Variants in DNMT1 observed in about 807,000 individuals in gnomAD.
DNMT1 encodes DNA methyltransferase 1.
In DNMT1, 24 loss-of-function variants were observed where a neutral mutation model predicts 205.3. The observed-to-expected ratio is 0.12, with a 90% CI of 0.08 to 0.16. The LOEUF (loss-of-function observed/expected upper bound fraction) is 0.16, where lower values mean the gene tolerates loss of function less well. Ranked by LOEUF, DNMT1 falls within the 10% of genes least tolerant of loss-of-function variation. The pLI, the probability that DNMT1 is intolerant of heterozygous loss-of-function variation, is 1.00. For missense variants in DNMT1, 1,293 were observed against 2,177.7 expected, an observed-to-expected ratio of 0.59 and a Z score of 8.09; for synonymous variants, 817 against 839.8, an observed-to-expected ratio of 0.97 and a Z score of 0.47.
chr19:10,152,160 C>CAAAAAAAAAAAAAAAAAAAAAAAAAA (rs56725732), intron 22 of DNMT1, among the ~76,000 whole-genome samples: 1 of 14,336 alleles, frequency 7.0e-5, no homozygotes, highest in Non-Finnish European at 9.9e-5. Flanking sequence ...AACTCCATCT[C>CAAAAAAAAAAAAAAAAAAAAAAAAAA]AAAAAAAAAA....
Position 10,180,520 on chromosome 19 carries a change from A to G in DNMT1, c.275T>C (p.Leu92Ser). The G allele has an allele frequency of 6.2e-7, 1 of 1,614,176 alleles. No individual in the cohort carries two copies. Among genetic ancestry groups the G allele is most frequent in the Non-Finnish European group, 8.5e-7 (1 of 1,180,040 alleles). ...GTTGTAAGCATGAGCACCGTTCTCC[A>G]AGGACAAATCTTTATTTAAAAGGGA... is the stretch of plus-strand genomic sequence containing the variant. ...VKSLLNKDLSLENGAHAYNRE... is the reference protein window; with the variant it reads ...VKSLLNKDLSSENGAHAYNRE... The change falls in exon 4 of 41, where the codon TTG (leucine) becomes TCG (serine). Residue 92 changes from leucine (L) to serine (S), a missense_variant. Physicochemically the swap from Leu to Ser is moderately radical, Grantham distance 145. Coordinates refer to ENST00000359526, the MANE Select transcript of DNMT1 (RefSeq NM_001130823.3).
chr19:10,153,543 G>A (rs1200768045), intron 22 of DNMT1, among the ~76,000 whole-genome samples: 3 of 151,784 alleles, frequency 2.0e-5, no homozygotes, highest in African/African-American at 7.3e-5. Context: ...AGGCTGAGGT[G>A]GGAGAACTGA....
intron 1 of DNMT1, 132 bp downstream of exon 1, chr19:10,194,688 T>C (rs575808559): frequency 1.6e-6 from 2 of 1,272,584 alleles, no homozygotes; most frequent in South Asian, 1.7e-5. Flanking sequence ...CAACTGCCGC[T>C]GCGCGCCGCA....
Position 10,146,423 on chromosome 19 carries a change from G to A in DNMT1, c.2822C>T (p.Ser941Leu). Residue 941 changes from serine (S) to leucine (L), a missense_variant, in exon 28 of 41, where the codon TCA becomes TTA. Physicochemically the swap from Ser to Leu is moderately radical, Grantham distance 145. Coordinates refer to ENST00000359526, the MANE Select transcript of DNMT1 (RefSeq NM_001130823.3). The surrounding 1 kb of genome is among the most constrained non-coding windows in gnomAD (Gnocchi z 4.4). ...GTACAGGATGCCGTTCTTGGTGGCT[G>A]AGTAGTAGAGGACCCGGCTATCCAG... ...EDLDSRVLYY[S>L]ATKNGILYRV... 6.2e-7 allele frequency: 1 copy of A among 1,614,138 alleles called. No individual in the cohort carries two copies. Among genetic ancestry groups the A allele is most frequent in the Non-Finnish European group, 8.5e-7 (1 of 1,180,038 alleles).
intron 1 of DNMT1, among the ~76,000 whole-genome samples, chr19:10,191,187 A>G (rs1341187745): frequency 6.6e-6 from 1 of 151,910 alleles, no homozygotes; most frequent in Non-Finnish European, 1.5e-5. Flanking sequence ...AAGCTGAGAC[A>G]GGAGAATTGC....
At chr19:10,155,759 G>T in intron 19 of DNMT1, 94 bp downstream of exon 19, 1 of 1,353,318 alleles carries the variant, frequency 7.4e-7, no homozygotes, top group Non-Finnish European at 1.0e-6. Flanking sequence ...CAAGCCTGCT[G>T]AGAATTCCCA....
rs1288860393 is a variant in DNMT1 at position 10,156,413 on chromosome 19, A to G, written c.1377T>C (p.Tyr459=). The G allele has an allele frequency of 1.2e-6, 2 of 1,611,868 alleles. No individual in the cohort carries two copies. Among genetic ancestry groups the G allele is most frequent in the Non-Finnish European group, 1.7e-6 (2 of 1,178,668 alleles). Residue 459 remains tyrosine (Y), a synonymous_variant, in exon 18 of 41, where the codon TAT becomes TAC. Transcript: ENST00000359526. The surrounding 1 kb of genome is among the most constrained non-coding windows in gnomAD (Gnocchi z 4.2). ...LFFSGSAKPI[Y]DDDPSLEGGV... is the part of the protein sequence containing the mutation. ...TACCTTCAAGAGATGGGTCATCATCATAGATTGGTTTTGCTGAACCAGAAA... is the reference window on the plus strand; with the variant it reads ...TACCTTCAAGAGATGGGTCATCATCGTAGATTGGTTTTGCTGAACCAGAAA...
chr19:10,137,134 G>A lies in DNMT1; in HGVS notation c.4440C>T (p.Asn1480=), dbSNP rs761052410. The change falls in exon 37 of 41, where the codon AAC becomes AAT. Residue 1480 remains asparagine (N), a synonymous_variant. Coordinates refer to ENST00000359526, the MANE Select transcript of DNMT1 (RefSeq NM_001130823.3). The surrounding 1 kb of genome is among the most constrained non-coding windows in gnomAD (Gnocchi z 6.4). ...GGAGGGCCCCAGAGCTGCTGCGGCC[G>A]TTCTTCCTGTCATGGTGGGTATACC... is the stretch of plus-strand genomic sequence containing the variant. ...KLRYTHHDRK[N]GRSSSGALRG... The A allele has an allele frequency of 6.2e-6, 10 of 1,610,744 alleles. No homozygotes were observed. Among genetic ancestry groups the A allele is most frequent in the Middle Eastern group, 1.6e-4 (1 of 6,076 alleles).
Position 10,137,955 on chromosome 19 carries a change from C to T in DNMT1, c.4170G>A (p.Leu1390=), listed in dbSNP as rs758009053. 5.0e-6 allele frequency: 8 copies of T among 1,611,748 alleles called. No homozygotes were observed. The Admixed American group carries it at 1.3e-4, about 27-fold the overall frequency. ...TITVRDTMSD[L]PEVRNGASAL... is the part of the protein sequence containing the mutation. ...CCGAGGCTCCATTCCGCACCTCCGG[C>T]AGGTCGGACATCGTGTCTCGCACCG... The change falls in exon 36 of 41, where the codon CTG becomes CTA. Residue 1390 remains leucine (L), a synonymous_variant. Coordinates refer to ENST00000359526, the MANE Select transcript of DNMT1 (RefSeq NM_001130823.3). The surrounding 1 kb of genome is among the most constrained non-coding windows in gnomAD (Gnocchi z 6.4).
intron 9 of DNMT1, among the ~76,000 whole-genome samples, chr19:10,172,641 C>G (rs2038846321): frequency 1.3e-5 from 2 of 151,820 alleles, no homozygotes; most frequent in Admixed American, 6.6e-5. Flanking sequence ...CTGGCCAACA[C>G]AGTGAAACCC....
Position 10,133,382 on chromosome 19 carries a change from A to G in DNMT1, c.*285T>C, listed in dbSNP as rs996480936. 1 of 507,328 alleles carries G rather than the reference A, an allele frequency of 2.0e-6. No homozygotes were observed. The highest frequency in any genetic ancestry group is 3.4e-5 in the Admixed American group (1 of 29,320). The allele number at this position is 507,328 out of a possible 1,614,324, so 31.4% of individuals were successfully genotyped here. ...AGAGATTTATTTGAAGAAATATTAC[A>G]ACATATAAAAACTACATAAAGTCTT... On this transcript the variant is annotated 3_prime_UTR_variant, in exon 41 of 41. Transcript: ENST00000359526. This position sits in a 1 kb window ranked among gnomAD's most constrained non-coding sequence, Gnocchi z 4.1.
rs970491275 is a variant in DNMT1, at chr19:10,179,705, T to G, written c.493+482A>C. On this transcript the variant is annotated intron_variant, in intron 5 of 40. Transcript: ENST00000359526. ...GCTTCTAGGTTGAAAATGAGCCAAG[T>G]GGGGCCGGGCACGGTGGCTCACACC... 2.6e-5 allele frequency among the ~76,000 whole-genome samples: 4 copies of G among 151,638 alleles called. No homozygotes were observed. The South Asian group carries it at 8.3e-4, about 32-fold the overall frequency.
intron 11 of DNMT1, 110 bp downstream of exon 11, chr19:10,166,488 G>T: frequency 7.5e-7 from 1 of 1,339,256 alleles, no homozygotes; most frequent in Non-Finnish European, 1.1e-6. Flanking sequence ...CATGGAGCCT[G>T]GGTGGATGGG....
At chr19:10,185,153 C>T (rs554180001) in intron 1 of DNMT1, among the ~76,000 whole-genome samples, 43 of 152,270 alleles carry the variant, frequency 2.8e-4, no homozygotes, top group East Asian at 5.8e-4. Context: ...GGGCCGGGCA[C>T]GGTGGCTCAC....
chr19:10,170,430 G>A (rs1051223571), intron 9 of DNMT1, among the ~76,000 whole-genome samples: 1 of 152,166 alleles, frequency 6.6e-6, no homozygotes, highest in Non-Finnish European at 1.5e-5. Flanking sequence ...CCTGGGGTCA[G>A]GAGTTCGAGA....
rs372657357 is a variant in DNMT1 at position 10,194,903 on chromosome 19, G to C, written c.-4C>G. The C allele has an allele frequency of 3.7e-6, 6 of 1,607,342 alleles. No homozygotes were observed. In the African/African-American group the frequency reaches 6.7e-5, roughly 18 times the overall value. ...CTGGGGCGGTACGCGCCGGCATCTC[G>C]GAGGCTTCAGCAGACGCGGCGGCGG... On this transcript the variant is annotated 5_prime_UTR_variant, in exon 1 of 41. Coordinates refer to ENST00000359526, the MANE Select transcript of DNMT1 (RefSeq NM_001130823.3).
chr19:10,140,597 T>G lies in DNMT1; in HGVS notation c.3523+184A>C. On this transcript the variant is annotated intron_variant, in intron 32 of 40. Coordinates refer to ENST00000359526, the MANE Select transcript of DNMT1 (RefSeq NM_001130823.3). This position sits in a 1 kb window ranked among gnomAD's most constrained non-coding sequence, Gnocchi z 8.4. Reference sequence around the variant, plus strand: ...GTTGGCCAGGATGGTCTCAAACTCCTGACCTCATGATCCACCCACCTCGGC... The same window carrying G: ...GTTGGCCAGGATGGTCTCAAACTCCGGACCTCATGATCCACCCACCTCGGC... 6 of 1,086,746 alleles carry G rather than the reference T, an allele frequency of 5.5e-6. No individual in the cohort carries two copies. In the South Asian group the frequency reaches 8.2e-5, roughly 15 times the overall value. 67.3% of individuals were successfully genotyped at this position (1,086,746 alleles called of 1,614,324 possible). A position where few individuals can be genotyped will look rare whatever the true frequency, so the allele number is the denominator to read the frequency against.
rs149867993 is a variant in DNMT1 at position 10,150,525 on chromosome 19, C to A, written c.2266-557G>T. ...ACCCTGCAGAGGCACTCATGCCATGCAGCAGTACCCATGTCTGTCCTCCTG... is the reference window on the plus strand; with the variant it reads ...ACCCTGCAGAGGCACTCATGCCATGAAGCAGTACCCATGTCTGTCCTCCTG... On this transcript the variant is annotated intron_variant, in intron 24 of 40. Coordinates refer to ENST00000359526, the MANE Select transcript of DNMT1 (RefSeq NM_001130823.3). 3.9e-3 allele frequency among the ~76,000 whole-genome samples: 588 copies of A among 152,352 alleles called. 4 individuals carry two copies. The highest frequency in any genetic ancestry group is 0.013 in the African/African-American group (550 of 41,574).
intron 1 of DNMT1, among the ~76,000 whole-genome samples, chr19:10,192,124 T>C (rs2039315221): frequency 6.6e-6 from 1 of 151,824 alleles, no homozygotes; most frequent in Non-Finnish European, 1.5e-5. Context: ...GCGCCCAGCC[T>C]TCTAAAAAAT....
Sources: allele counts gnomAD v4.1 joint callset (sites outside exome capture counted in the v4.1 genomes callset), GRCh38; gene constraint gnomAD v4.1.1; non-coding constraint Gnocchi (gnomAD v3.1); transcripts MANE v1.5; gene names NCBI Gene and HGNC (gene_info 2026-07-23, HGNC 2026-07-21).